The following TECPR1 variants were observed in gnomAD, a reference collection of about 807,000 sequenced individuals.
TECPR1 encodes tectonin beta-propeller repeat containing 1, also known as tectonin beta-propeller repeat-containing protein 1.
In TECPR1, 122 loss-of-function variants were observed where a neutral mutation model predicts 162.4. The ratio of observed to expected loss-of-function variants is 0.75; its 90% CI spans 0.65 to 0.87. The LOEUF (loss-of-function observed/expected upper bound fraction) is 0.87, where lower values mean the gene tolerates loss of function less well. TECPR1 is among the 40% of genes least tolerant of loss of function. The pLI is 0.00. For synonymous variants in TECPR1, 642 were observed against 670.6 expected (o/e 0.96, Z 0.66); for missense variants, 1,432 against 1,618.2 (o/e 0.88, Z 1.97).
rs1361012540 is a variant in TECPR1, at chr7:98,243,460, G to T, written c.657+7C>A. ...GGAGCCAGGGCAGGGAGAGGGGTTG[G>T]CCTTACCTTGCCCTGCAGAGACACA... On this transcript the variant is annotated splice_region_variant and intron_variant, in intron 6 of 25. Coordinates refer to ENST00000447648, the MANE Select transcript of TECPR1 (RefSeq NM_015395.3). The T allele has an allele frequency of 6.2e-7, 1 of 1,612,060 alleles. No homozygotes were observed. Among genetic ancestry groups the T allele is most frequent in the Non-Finnish European group, 8.5e-7 (1 of 1,179,742 alleles).
intron 2 of TECPR1, among the ~76,000 whole-genome samples, chr7:98,249,539 G>GTGACTAAGAGAGTCCAGAGC (rs1325338250): frequency 1.3e-5 from 2 of 152,170 alleles, no homozygotes; most frequent in African/African-American, 4.8e-5. Context: ...CACCTTCACA[G>GTGACTAAGAGAGTCCAGAGC]TGACTAAGAG....
At chr7:98,228,751 C>T (rs1322563604) in intron 16 of TECPR1, 2 of 344,756 alleles carry the variant, frequency 5.8e-6, no homozygotes, top group East Asian at 4.7e-5. Context: ...TCAGCGAGTG[C>T]CTACCCTGAA....
intron 21 of TECPR1, 48 bp downstream of exon 21, chr7:98,222,942 G>T: frequency 1.3e-6 from 2 of 1,598,748 alleles, no homozygotes; most frequent in Non-Finnish European, 1.7e-6. Context: ...CCGGACTCCA[G>T]AGCAAAGGTC....
At position 98,241,544 on chromosome 7, in the gene TECPR1, C is replaced by T. The variant is rs1487539582; in HGVS notation, c.658-300G>A. Among the ~76,000 whole-genome samples, 1 of 152,212 alleles carries T rather than the reference C, an allele frequency of 6.6e-6. No homozygotes were observed. The highest frequency in any genetic ancestry group is 1.5e-5 in the Non-Finnish European group (1 of 68,012). On this transcript the variant is annotated intron_variant, in intron 6 of 25. Transcript: ENST00000447648. This position sits in a 1 kb window ranked among gnomAD's most constrained non-coding sequence, Gnocchi z 5.0. ...CGGCCACTCTGGCCAGCCCGTGTGTCCCATGCCCCCTTGTGGCGATGTGCT... is the reference window on the plus strand; with the variant it reads ...CGGCCACTCTGGCCAGCCCGTGTGTTCCATGCCCCCTTGTGGCGATGTGCT...
intron 23 of TECPR1, among the ~76,000 whole-genome samples, chr7:98,220,107 G>A (rs1332873754): frequency 1.3e-5 from 2 of 151,542 alleles, no homozygotes; most frequent in African/African-American, 2.4e-5. Context: ...TTAGGGAGGC[G>A]GAGGTGGGCG....
chr7:98,225,175 C>T (rs1798250516), intron 17 of TECPR1, 73 bp from the exon 18 acceptor site: 11 of 1,373,738 alleles, frequency 8.0e-6, no homozygotes, highest in African/African-American at 1.4e-5. Flanking sequence ...ACCCCCATAA[C>T]ACCCCACAGG....
At chr7:98,221,819 G>T in intron 22 of TECPR1, 66 bp from the exon 23 acceptor site, 1 of 1,339,772 alleles carries the variant, frequency 7.5e-7, no homozygotes, top group Non-Finnish European at 1.1e-6. Flanking sequence ...GTGGGGCTGT[G>T]GGCCTCGGTC....
At chr7:98,234,709 T>TC (rs1562939843) in intron 10 of TECPR1, among the ~76,000 whole-genome samples, 1 of 143,922 alleles carries the variant, frequency 6.9e-6, no homozygotes, top group African/African-American at 2.6e-5. Flanking sequence ...TATTGTCTTT[T>TC]TTTTTTTTTT....
In TECPR1 at chr7:98,217,766, G is replaced by C. The variant is rs144621652; in HGVS notation, c.3310C>G (p.Arg1104Gly). ...NKVQGSHSLS[R>G]GTVCHRTGVQ... ...CCGGTGCGATGACACACTGTCCCCC[G>C]GCTCAGGCTGTGGCTGCCCTGCACT... Residue 1104 changes from arginine (R) to glycine (G), a missense_variant, in exon 25 of 26, where the codon CGG becomes GGG. Arg to Gly is a moderately radical substitution (Grantham distance 125). Coordinates refer to ENST00000447648, the MANE Select transcript of TECPR1 (RefSeq NM_015395.3). The C allele has an allele frequency of 6.4e-7, 1 of 1,550,994 alleles. No individual in the cohort carries two copies. The highest frequency in any genetic ancestry group is 8.7e-7 in the Non-Finnish European group (1 of 1,147,106).
intron 23 of TECPR1, among the ~76,000 whole-genome samples, chr7:98,221,161 G>A (rs1256042501): frequency 1.3e-5 from 2 of 152,064 alleles, no homozygotes; most frequent in East Asian, 3.9e-4. Flanking sequence ...AATTAGCCAG[G>A]TGTGGTGGTG....
rs1208989475 is a variant in TECPR1 at position 98,230,960 on chromosome 7, C to A, written c.2282+1G>T. 2 of 1,610,852 alleles carry A rather than the reference C, an allele frequency of 1.2e-6. No individual in the cohort carries two copies. The highest frequency in any genetic ancestry group is 2.2e-5 in the South Asian group (2 of 90,900). On this transcript the variant is annotated splice_donor_variant, in intron 15 of 25. Transcript: ENST00000447648. LOFTEE classifies it high-confidence loss of function. ...CCCCACCCAGAGTGCGGCTCACTCA[C>A]ATCTGGTCGCAGGGCAGGGGGTGCT...
Position 98,238,396 on chromosome 7 carries a change from A to G in TECPR1, c.1035+113T>C, listed in dbSNP as rs972213803. On this transcript the variant is annotated intron_variant, in intron 9 of 25. Coordinates refer to ENST00000447648, the MANE Select transcript of TECPR1 (RefSeq NM_015395.3). The stretch of plus-strand genomic sequence containing the variant: ...CAGAAAGAACTTCTTGCTCAGTACA[A>G]TGGAGTGGGGGGCTCTCCTACAGTG... 6 of 863,550 alleles carry G rather than the reference A, an allele frequency of 6.9e-6. No homozygotes were observed. The African/African-American group carries it at 8.3e-5, about 12-fold the overall frequency. 53.5% of individuals were successfully genotyped at this position (863,550 alleles called of 1,614,324 possible).
At chr7:98,230,116 C>G (rs1418710764) in intron 15 of TECPR1, among the ~76,000 whole-genome samples, 1 of 151,902 alleles carries the variant, frequency 6.6e-6, no homozygotes, top group Non-Finnish European at 1.5e-5. Context: ...CCCACCTCAG[C>G]CCTCCGAGCA....
chr7:98,242,746 TCTACACACCCACCCAC>T (rs1798786094), intron 6 of TECPR1, among the ~76,000 whole-genome samples: 1 of 22,590 alleles, frequency 4.4e-5, no homozygotes, highest in African/African-American at 1.3e-4. Flanking sequence ...CATCCATCCA[TCTACACACCCACCCAC>T]CCATCCACCC....
intron 16 of TECPR1, chr7:98,228,690 C>T (rs1798342794): frequency 8.3e-6 from 2 of 239,972 alleles, no homozygotes; most frequent in African/African-American, 4.4e-5. Flanking sequence ...CTTCGTTTTC[C>T]AGTAGGAACA....
chr7:98,222,933 C>T (rs1243760610), intron 21 of TECPR1, 57 bp downstream of exon 21: 13 of 1,587,252 alleles, frequency 8.2e-6, no homozygotes, highest in South Asian at 3.4e-5. Context: ...TGAGCCCTGC[C>T]GGACTCCAGA....
chr7:98,244,427 G>C, intron 5 of TECPR1, 144 bp downstream of exon 5: 2 of 1,077,878 alleles, frequency 1.9e-6, no homozygotes, highest in Non-Finnish European at 2.6e-6. Flanking sequence ...GGTGTTCCCG[G>C]GACAGGAAAC....
At position 98,223,051 on chromosome 7, in the gene TECPR1, C is replaced by T. The variant is rs1432913708; in HGVS notation, c.2867G>A (p.Trp956Ter). 6.2e-7 allele frequency: 1 copy of T among 1,609,442 alleles called. No homozygotes were observed. Among genetic ancestry groups the T allele is most frequent in the Non-Finnish European group, 8.5e-7 (1 of 1,178,538 alleles). The change falls in exon 21 of 26, where the codon TGG (tryptophan) becomes TAG (stop). Residue 956 changes from tryptophan (W) to a stop codon, truncating the protein, a stop_gained. Transcript: ENST00000447648. LOFTEE classifies it high-confidence loss of function. ...AEGSGHSIAL[W>*]AVSDKGDVLC... ...CACATCCCCCTTGTCGCTGACGGCC[C>T]AGAGGGCGATGCTGTGCCCACTCCC...
Position 98,233,910 on chromosome 7 carries a change from C to A in TECPR1, c.1183G>T (p.Ala395Ser). The change falls in exon 11 of 26, where the codon GCC becomes TCC. Residue 395 changes from alanine (A) to serine (S), a missense_variant and splice_region_variant. Coordinates refer to ENST00000447648, the MANE Select transcript of TECPR1 (RefSeq NM_015395.3). ...HSGSSSSLLS[A>S]GCFFGDEVRG... ...ACCTCATCACCGAAGAAGCAGCCGG[C>A]ACTGGGGACAAATCAGGGCAGACCC... The A allele has an allele frequency of 6.5e-7, 1 of 1,529,358 alleles. No homozygotes were observed. Among genetic ancestry groups the A allele is most frequent in the South Asian group, 1.2e-5 (1 of 81,290 alleles). 94.7% of individuals were successfully genotyped at this position (1,529,358 alleles called of 1,614,324 possible). A position where few individuals can be genotyped will look rare whatever the true frequency, so the allele number is the denominator to read the frequency against.
Sources: allele counts gnomAD v4.1 joint callset (sites outside exome capture counted in the v4.1 genomes callset), GRCh38; gene constraint gnomAD v4.1.1; non-coding constraint Gnocchi (gnomAD v3.1); transcripts MANE v1.5; gene names NCBI Gene and HGNC (gene_info 2026-07-23, HGNC 2026-07-21).